The following WDPCP variants were observed in gnomAD, a reference collection of about 807,000 sequenced individuals.
The protein encoded by WDPCP is WD repeat containing planar cell polarity effector, also known as WD repeat-containing and planar cell polarity effector protein fritz homolog.
Under a neutral mutation model 93.1 loss-of-function variants are expected in WDPCP, and 71 were observed. That is an observed-to-expected ratio of 0.76 (90% CI 0.63 to 0.93). The LOEUF is 0.93. WDPCP is among the 40% of genes least tolerant of loss of function. The pLI, the probability that WDPCP is intolerant of heterozygous loss-of-function variation, is 0.00. For missense variants in WDPCP, 844 were observed against 887.4 expected (o/e 0.95, Z 0.62); for synonymous variants, 315 against 315.0 (o/e 1.00, Z 0.00).
At chr2:63,730,564 A>G (rs1434811735) in intron 2 of WDPCP, among the ~76,000 whole-genome samples, 1 of 152,108 alleles carries the variant, frequency 6.6e-6, no homozygotes, top group Non-Finnish European at 1.5e-5. Context: ...CCCGCGTTCA[A>G]GTGATTCTCC....
At chr2:63,346,129 G>A (rs1689173862) in intron 12 of WDPCP, among the ~76,000 whole-genome samples, 1 of 152,134 alleles carries the variant, frequency 6.6e-6, no homozygotes, top group South Asian at 2.1e-4. Context: ...ACACCTTACT[G>A]AGGAGCCCAA....
At chr2:63,497,002 C>T (rs1416887522) in intron 1 of WDPCP, among the ~76,000 whole-genome samples, 2 of 147,442 alleles carry the variant, frequency 1.4e-5, no homozygotes, top group East Asian at 4.2e-4. Flanking sequence ...ATCCCAGCTA[C>T]TTGGGAAGCT....
At chr2:63,178,941 C>T (rs1468838281) in intron 14 of WDPCP, among the ~76,000 whole-genome samples, 1 of 151,896 alleles carries the variant, frequency 6.6e-6, no homozygotes, top group Admixed American at 6.6e-5. Flanking sequence ...AGATGTAATC[C>T]CCAGTGTTGG....
At chr2:63,406,318 C>G (rs926257267) in intron 9 of WDPCP, among the ~76,000 whole-genome samples, 3 of 152,128 alleles carry the variant, frequency 2.0e-5, no homozygotes, top group African/African-American at 7.2e-5. Context: ...GCCATAGGAT[C>G]CATATCCAAC....
intron 14 of WDPCP, among the ~76,000 whole-genome samples, chr2:63,248,913 G>GTT (rs889187088): frequency 6.9e-6 from 1 of 143,890 alleles, no homozygotes; most frequent in African/African-American, 2.5e-5. Flanking sequence ...GTTCTTATGT[G>GTT]TTTTTTTTTT....
chr2:63,217,900 A>G (rs1308869910), intron 14 of WDPCP, among the ~76,000 whole-genome samples: 1 of 152,202 alleles, frequency 6.6e-6, no homozygotes, highest in African/African-American at 2.4e-5. Flanking sequence ...GAAAAACCCA[A>G]GAATCCCACA....
intron 1 of WDPCP, among the ~76,000 whole-genome samples, chr2:63,550,555 T>C (rs935245409): frequency 6.6e-6 from 1 of 151,940 alleles, no homozygotes; most frequent in Non-Finnish European, 1.5e-5. Flanking sequence ...GTACCATTTT[T>C]CTGTTTCTGT....
intron 6 of WDPCP, among the ~76,000 whole-genome samples, chr2:63,447,481 T>C (rs990279649): frequency 4.6e-5 from 7 of 152,188 alleles, no homozygotes; most frequent in African/African-American, 1.7e-4. Context: ...GCTAGAAATG[T>C]GTTTCTCAAA....
chr2:63,143,013 C>T (rs1031807342), intron 17 of WDPCP, among the ~76,000 whole-genome samples: 2 of 151,840 alleles, frequency 1.3e-5, no homozygotes, highest in African/African-American at 2.4e-5. Context: ...TGCAGTGGTG[C>T]GATCTTGGCT....
intron 3 of WDPCP, among the ~76,000 whole-genome samples, chr2:63,608,560 C>CTACTT (rs1709578952): frequency 6.6e-6 from 1 of 152,084 alleles, no homozygotes; most frequent in Non-Finnish European, 1.5e-5. Flanking sequence ...TTTAAAATTA[C>CTACTT]TACTTTGGGA....
intron 9 of WDPCP, among the ~76,000 whole-genome samples, chr2:63,418,761 T>C (rs1695617250): frequency 6.6e-6 from 1 of 152,062 alleles, no homozygotes; most frequent in Non-Finnish European, 1.5e-5. Flanking sequence ...GAAAAAACTT[T>C]TATGAGGTGA....
intron 14 of WDPCP, among the ~76,000 whole-genome samples, chr2:63,191,007 A>C (rs2104223239): frequency 6.6e-6 from 1 of 152,366 alleles, no homozygotes. Flanking sequence ...CACAGATTTT[A>C]GACTGGGAGT....
At chr2:63,813,927 A>T (rs566605909) in intron 1 of WDPCP, among the ~76,000 whole-genome samples, 1 of 152,364 alleles carries the variant, frequency 6.6e-6, no homozygotes, top group African/African-American at 2.4e-5. Flanking sequence ...AATAAATACC[A>T]ATGTATTCCA....
chr2:63,824,217 C>T (rs1366933699), intron 1 of WDPCP, among the ~76,000 whole-genome samples: 3 of 151,976 alleles, frequency 2.0e-5, no homozygotes, highest in Non-Finnish European at 4.4e-5. Flanking sequence ...TTTCTCCTGC[C>T]ACCATGTAAG....
intron 12 of WDPCP, among the ~76,000 whole-genome samples, chr2:63,320,103 A>G (rs1253143240): frequency 6.6e-6 from 1 of 152,186 alleles, no homozygotes; most frequent in African/African-American, 2.4e-5. Context: ...AAGGTTAAAA[A>G]TTGATAAACT....
intron 15 of WDPCP, among the ~76,000 whole-genome samples, chr2:63,158,729 A>G (rs1672435171): frequency 6.6e-6 from 1 of 152,106 alleles, no homozygotes; most frequent in Non-Finnish European, 1.5e-5. Context: ...TTTTTTTAAA[A>G]AAATATGTTT....
At chr2:63,706,987 G>A (rs761613603) in intron 2 of WDPCP, among the ~76,000 whole-genome samples, 5 of 152,152 alleles carry the variant, frequency 3.3e-5, no homozygotes, top group African/African-American at 9.7e-5. Flanking sequence ...AGTTTCTGCC[G>A]AGAGATCAGT....
rs1483988601 is a variant in WDPCP, at chr2:63,121,186, A to G, written c.*820T>C. Among the ~76,000 whole-genome samples, 5 of 152,006 alleles carry G rather than the reference A, an allele frequency of 3.3e-5. No individual in the cohort carries two copies. The highest frequency in any genetic ancestry group is 7.4e-5 in the Non-Finnish European group (5 of 67,974). On this transcript the variant is annotated 3_prime_UTR_variant, in exon 18 of 18. Coordinates refer to ENST00000272321, the MANE Select transcript of WDPCP (RefSeq NM_015910.7). ...GATAAGCATGCCTGCCCCTTTCTCC[A>G]GAGGGAAACAGTATCTGTGTTCTAA...
chr2:63,455,679 A>G (rs1408438059), intron 6 of WDPCP, among the ~76,000 whole-genome samples: 1 of 152,208 alleles, frequency 6.6e-6, no homozygotes, highest in Non-Finnish European at 1.5e-5. Context: ...CCAGATTCAT[A>G]AAGCAAATAT....
Sources: gnomAD v4.1 joint callset for allele counts (sites outside exome capture counted in the v4.1 genomes callset) on GRCh38, gnomAD v4.1.1 for gene constraint, MANE v1.5 for transcripts, NCBI Gene and HGNC (gene_info 2026-07-23, HGNC 2026-07-21) for gene names.